ZNF254: variants seen among roughly 807,000 people sequenced by gnomAD.
ZNF254 encodes zinc finger protein 254.
Under a neutral mutation model 12.4 loss-of-function variants are expected in ZNF254, and 10 were observed. The observed-to-expected ratio is 0.80, with a 90% CI of 0.50 to 1.36. The LOEUF (loss-of-function observed/expected upper bound fraction) is 1.36. Among genes scored for constraint, ZNF254 ranks in the 40% most tolerant of loss-of-function variants. ZNF254 has a pLI of 0.00. For synonymous variants in ZNF254, 305 were observed against 253.4 expected (o/e 1.20, Z -1.93); for missense variants, 996 against 763.9 (o/e 1.30, Z -3.58).
intron 3 of ZNF254, among the ~76,000 whole-genome samples, chr19:24,111,272 G>C (rs11672277): frequency 0.15 from 22,849 of 152,064 alleles, 1,758 homozygotes; most frequent in Middle Eastern, 0.17. Context: ...TCCCTACAAA[G>C]GACATGAACT....
chr19:24,034,266 G>C (rs1239595508), intron 1 of ZNF254, among the ~76,000 whole-genome samples: 1 of 147,060 alleles, frequency 6.8e-6, no homozygotes, highest in African/African-American at 2.5e-5. Context: ...TCTGCCGGCG[G>C]AGCCTCTCCT....
intron 2 of ZNF254, among the ~76,000 whole-genome samples, chr19:24,061,009 A>G (rs1971045241): frequency 1.3e-5 from 2 of 152,294 alleles, no homozygotes; most frequent in African/African-American, 4.8e-5. Flanking sequence ...TTTTTGACTC[A>G]GCACCTAGGT....
upstream of ZNF254, among the ~76,000 whole-genome samples, chr19:24,082,869 AG>A (rs1317578715): frequency 1.3e-5 from 2 of 151,940 alleles, no homozygotes; most frequent in African/African-American, 4.8e-5. Flanking sequence ...TAAACTGAAC[AG>A]GAAAAAGTTG....
intron 2 of ZNF254, among the ~76,000 whole-genome samples, chr19:24,073,786 G>T (rs189006496): frequency 1.3e-5 from 2 of 152,358 alleles, no homozygotes; most frequent in Non-Finnish European, 2.9e-5. Flanking sequence ...CCACCTTTGA[G>T]ATTGTAACTG....
chr19:24,109,863 A>T (rs1973561457), intron 3 of ZNF254, among the ~76,000 whole-genome samples: 1 of 150,632 alleles, frequency 6.6e-6, no homozygotes, highest in African/African-American at 2.4e-5. Context: ...CTGGGATTAC[A>T]GGCATGTGCC....
At chr19:24,055,113 G>T (rs576635839) in intron 2 of ZNF254, among the ~76,000 whole-genome samples, 1 of 136,322 alleles carries the variant, frequency 7.3e-6, no homozygotes, top group Non-Finnish European at 1.5e-5. Context: ...TGAGGCAGGA[G>T]AATTGCTTCA....
intron 3 of ZNF254, among the ~76,000 whole-genome samples, chr19:24,121,862 G>T (rs982848434): frequency 1.3e-4 from 20 of 150,932 alleles, no homozygotes; most frequent in East Asian, 9.8e-4. Context: ...GCTACCCTTG[G>T]TTTTTTTTTG....
At chr19:24,118,772 G>T (rs547656968) in intron 3 of ZNF254, among the ~76,000 whole-genome samples, 3 of 151,880 alleles carry the variant, frequency 2.0e-5, no homozygotes. Flanking sequence ...AGAAAATGGC[G>T]CCAAGATTAT....
chr19:24,095,490 A>T (rs1214612632), intron 1 of ZNF254, among the ~76,000 whole-genome samples: 3 of 152,206 alleles, frequency 2.0e-5, no homozygotes, highest in African/African-American at 4.8e-5. Context: ...ATCTGATAGA[A>T]TTCAGCTGTG....
intron 2 of ZNF254, among the ~76,000 whole-genome samples, chr19:24,057,592 A>C (rs1477636108): frequency 1.3e-5 from 2 of 152,244 alleles, no homozygotes; most frequent in African/African-American, 2.4e-5. Context: ...CACCCAGCCG[A>C]CAGTAAAGAT....
intron 2 of ZNF254, among the ~76,000 whole-genome samples, chr19:24,074,289 G>T (rs1205644687): frequency 6.6e-6 from 1 of 152,132 alleles, no homozygotes; most frequent in Non-Finnish European, 1.5e-5. Context: ...CCAGCATCGA[G>T]CTGAAGTGAC....
intron 2 of ZNF254, among the ~76,000 whole-genome samples, chr19:24,056,779 G>T (rs529071689): frequency 1.3e-5 from 2 of 152,326 alleles, no homozygotes; most frequent in African/African-American, 4.8e-5. Context: ...CAGCTCCCAG[G>T]TGATGTGACT....
intron 2 of ZNF254, chr19:24,080,508 G>A (rs1971809519): frequency 6.6e-6 from 1 of 152,124 alleles, no homozygotes; most frequent in Non-Finnish European, 1.5e-5. Flanking sequence ...ATCTGGAAAA[G>A]CCTCAGTATT....
intron 2 of ZNF254, among the ~76,000 whole-genome samples, chr19:24,070,901 A>G (rs773309358): frequency 2.0e-5 from 3 of 152,112 alleles, no homozygotes; most frequent in South Asian, 2.1e-4. Context: ...CCCTGCCCAC[A>G]TGGGCTATTG....
chr19:24,069,643 TGTG>T (rs1244022699), intron 2 of ZNF254, among the ~76,000 whole-genome samples: 2 of 134,286 alleles, frequency 1.5e-5, no homozygotes, highest in Non-Finnish European at 3.1e-5. Context: ...TTCTGCCAGG[TGTG>T]GTGGCTCACA....
chr19:24,068,189 G>A (rs989191133), intron 2 of ZNF254, among the ~76,000 whole-genome samples: 1 of 152,074 alleles, frequency 6.6e-6, no homozygotes, highest in Non-Finnish European at 1.5e-5. Flanking sequence ...CATATCACTG[G>A]GATCAGCCAC....
At chr19:24,075,752 A>G (rs1052832500) in intron 2 of ZNF254, among the ~76,000 whole-genome samples, 2 of 152,176 alleles carry the variant, frequency 1.3e-5, no homozygotes, top group Admixed American at 1.3e-4. Flanking sequence ...CCAGGCTGTA[A>G]TTTCCTAATC....
intron 1 of ZNF254, among the ~76,000 whole-genome samples, chr19:24,041,419 G>A (rs1229406554): frequency 6.6e-6 from 1 of 152,262 alleles, no homozygotes; most frequent in Non-Finnish European, 1.5e-5. Context: ...CAGCCAGCCA[G>A]CCCTGCTGGC....
chr19:24,127,643 G>C lies in ZNF254; in HGVS notation c.1643G>C (p.Cys548Ser). ...CATACTGAAGAGAAACCCTACAAAT[G>C]TGAAAAATGTGGCAAAGCCTTTAAG... ...IIHTEEKPYK[C>S]EKCGKAFKQS... The change falls in exon 4 of 4, where the codon TGT becomes TCT. Residue 548 changes from cysteine to serine, a missense_variant. By Grantham distance (112) the Cys-to-Ser change is moderately radical (BLOSUM62 -1). Coordinates refer to ENST00000357002, the MANE Select transcript of ZNF254 (RefSeq NM_203282.4). The C allele has an allele frequency of 6.2e-7, 1 of 1,610,846 alleles. No homozygotes were observed. The highest frequency in any genetic ancestry group is 8.5e-7 in the Non-Finnish European group (1 of 1,178,328).
Sources: allele counts gnomAD v4.1 joint callset (sites outside exome capture counted in the v4.1 genomes callset), GRCh38; gene constraint gnomAD v4.1.1; transcripts MANE v1.5; gene names NCBI Gene and HGNC (gene_info 2026-07-23, HGNC 2026-07-21).